CACNA1E: variants seen among roughly 807,000 people sequenced by gnomAD.
The protein encoded by CACNA1E is calcium voltage-gated channel subunit alpha1 E.
A neutral mutation model predicts 259.2 loss-of-function variants in CACNA1E; 40 were observed. The observed-to-expected ratio is 0.15, with a 90% CI of 0.12 to 0.20. The LOEUF (loss-of-function observed/expected upper bound fraction) is 0.20. CACNA1E is among the 10% of genes least tolerant of loss of function. CACNA1E has a pLI of 1.00. For synonymous variants in CACNA1E, 1,104 were observed against 1,138.5 expected (o/e 0.97, Z 0.61); for missense variants, 1,874 against 3,040.1 (o/e 0.62, Z 9.02).
In CACNA1E at chr1:181,767,645, G is replaced by A. The variant is rs576838967; in HGVS notation, c.4881+1034G>A. 7.2e-5 allele frequency among the ~76,000 whole-genome samples: 11 copies of A among 152,246 alleles called. No homozygotes were observed. In the East Asian group the frequency reaches 2.1e-3, roughly 29 times the overall value. ...TCTTCTCTCTTGCCTGTACTTCTTGGTTTCATTCTTTAACTCTATTACTGG... is the reference window on the plus strand; with the variant it reads ...TCTTCTCTCTTGCCTGTACTTCTTGATTTCATTCTTTAACTCTATTACTGG... On this transcript the variant is annotated intron_variant, in intron 35 of 47. Coordinates refer to ENST00000367573, the MANE Select transcript of CACNA1E (RefSeq NM_001205293.3).
Position 181,732,588 on chromosome 1 carries a change from G to T in CACNA1E, c.2502G>T (p.Glu834Asp). 3 of 1,514,976 alleles carry T rather than the reference G, an allele frequency of 2.0e-6. No individual in the cohort carries two copies. The highest frequency in any genetic ancestry group is 2.7e-6 in the Non-Finnish European group (3 of 1,130,802). The allele number at this position is 1,514,976 out of a possible 1,614,324, so 93.8% of individuals were successfully genotyped here. A position where few individuals can be genotyped will look rare whatever the true frequency, so the allele number is the denominator to read the frequency against. The change falls in exon 20 of 48, where the codon GAG (glutamate) becomes GAT (aspartate). Residue 834 changes from glutamate (E) to aspartate (D), a missense_variant. Physicochemically the swap from Glu to Asp is conservative, Grantham distance 45 (BLOSUM62 2). Transcript: ENST00000367573. The surrounding 1 kb of genome is among the most constrained non-coding windows in gnomAD (Gnocchi z 5.5). ...TTTATCGGCGACCCAGGGCCATTGA[G>T]GGCCTGGCCCTGGGCCTGGCCCTGG... ...PSLYRRPRAI[E>D]GLALGLALEK...
chr1:181,384,213 G>A (rs554525472), intron 1 of CACNA1E, among the ~76,000 whole-genome samples: 3 of 152,152 alleles, frequency 2.0e-5, no homozygotes, highest in South Asian at 4.1e-4. Context: ...AATCAGTATG[G>A]TGTTAAGACA....
At chr1:181,720,751 A>T in intron 14 of CACNA1E, 32 bp from the exon 15 acceptor site, 1 of 1,319,770 alleles carries the variant, frequency 7.6e-7, no homozygotes, top group Non-Finnish European at 1.1e-6. Context: ...TGAGATTTTC[A>T]TTTCATTATT....
chr1:181,718,367 T>C (rs1335309655), intron 12 of CACNA1E, among the ~76,000 whole-genome samples, 200 bp downstream of exon 12: 1 of 152,138 alleles, frequency 6.6e-6, no homozygotes, highest in Admixed American at 6.5e-5. Flanking sequence ...AGCTCTTTGA[T>C]TTTCAATATT....
intron 2 of CACNA1E, among the ~76,000 whole-genome samples, chr1:181,428,161 G>A (rs1342738666): frequency 6.6e-6 from 1 of 152,120 alleles, no homozygotes. Context: ...CTCTCCGGAG[G>A]ACTGGCACTT....
At chr1:181,598,185 G>A (rs1314681555) in intron 6 of CACNA1E, among the ~76,000 whole-genome samples, 2 of 152,198 alleles carry the variant, frequency 1.3e-5, no homozygotes, top group African/African-American at 2.4e-5. Context: ...TCAACTTAAC[G>A]GACATACCAA....
intron 3 of CACNA1E, among the ~76,000 whole-genome samples, chr1:181,554,243 G>T (rs772876436): frequency 4.6e-5 from 7 of 152,122 alleles, no homozygotes; most frequent in African/African-American, 7.2e-5. Context: ...GAACTCCTGA[G>T]CTCAAGTGAT....
intron 3 of CACNA1E, among the ~76,000 whole-genome samples, chr1:181,564,947 T>A (rs926105193): frequency 5.9e-5 from 9 of 152,126 alleles, no homozygotes; most frequent in African/African-American, 2.2e-4. Flanking sequence ...GAAACCATGC[T>A]GTAAAGAGAT....
Position 181,740,623 on chromosome 1 carries a change from T to A in CACNA1E, c.3719+1370T>A, listed in dbSNP as rs529205703. ...TCCCAGACCCTGGAACTGGACTGTG[T>A]CCACTGCTTCCTCAGCCATGAGAGA... is the stretch of plus-strand genomic sequence containing the variant. On this transcript the variant is annotated intron_variant, in intron 25 of 47. Transcript: ENST00000367573. Among the ~76,000 whole-genome samples, 5 of 152,314 alleles carry A rather than the reference T, an allele frequency of 3.3e-5. No homozygotes were observed. The East Asian group carries it at 9.7e-4, about 29-fold the overall frequency.
chr1:181,798,921 G>A lies in CACNA1E; in HGVS notation c.*87G>A. ...GGAAGCCAGTGCGGCCCGGGGGGGA[G>A]GAAGAGGGAAAAGGAAGATGGAAGG... On this transcript the variant is annotated 3_prime_UTR_variant, in exon 48 of 48. Coordinates refer to ENST00000367573, the MANE Select transcript of CACNA1E (RefSeq NM_001205293.3). The surrounding 1 kb of genome is among the most constrained non-coding windows in gnomAD (Gnocchi z 4.2). The A allele has an allele frequency of 2.4e-6, 3 of 1,235,618 alleles. No individual in the cohort carries two copies. Among genetic ancestry groups the A allele is most frequent in the Non-Finnish European group, 3.2e-6 (3 of 925,808 alleles). 76.5% of individuals were successfully genotyped at this position (1,235,618 alleles called of 1,614,324 possible).
intron 1 of CACNA1E, among the ~76,000 whole-genome samples, chr1:181,497,974 C>G (rs564195613): frequency 9.2e-5 from 14 of 152,314 alleles, no homozygotes; most frequent in African/African-American, 3.4e-4. Context: ...TGTCTTTCCC[C>G]CGCCAAAACT....
rs528224463 is a variant in CACNA1E, at chr1:181,502,805, T to C, written c.267-7672T>C. 2.2e-4 allele frequency among the ~76,000 whole-genome samples: 34 copies of C among 152,298 alleles called. No homozygotes were observed. The East Asian group carries it at 6.2e-3, about 28-fold the overall frequency. ...CCTCCATCTCCTGGGTTCAAGCTATTCTCCTGCCTCAGCCTCCTAAGTAGC... is the reference window on the plus strand; with the variant it reads ...CCTCCATCTCCTGGGTTCAAGCTATCCTCCTGCCTCAGCCTCCTAAGTAGC... On this transcript the variant is annotated intron_variant, in intron 1 of 47. Coordinates refer to ENST00000367573, the MANE Select transcript of CACNA1E (RefSeq NM_001205293.3).
chr1:181,586,189 G>A (rs913383675), intron 6 of CACNA1E, among the ~76,000 whole-genome samples: 4 of 152,170 alleles, frequency 2.6e-5, no homozygotes, highest in East Asian at 1.9e-4. Context: ...CAAGAAGAGT[G>A]GAGTTGCCAT....
At chr1:181,580,487 C>T (rs1651416787) in intron 5 of CACNA1E, 108 bp from the exon 6 acceptor site, 6 of 1,072,538 alleles carry the variant, frequency 5.6e-6, no homozygotes, top group Middle Eastern at 2.2e-4. Context: ...AAGGGCAGGC[C>T]TCTTTCCGTG....
intron 1 of CACNA1E, among the ~76,000 whole-genome samples, chr1:181,407,417 C>G (rs1223437710): frequency 6.6e-6 from 1 of 152,190 alleles, no homozygotes; most frequent in Non-Finnish European, 1.5e-5. Flanking sequence ...CACAACCTCT[C>G]AGGCTGACAC....
At chr1:181,394,103 G>T (rs1257780515) in intron 1 of CACNA1E, among the ~76,000 whole-genome samples, 2 of 152,014 alleles carry the variant, frequency 1.3e-5, no homozygotes, top group East Asian at 3.8e-4. Flanking sequence ...ACGGTTGGTT[G>T]CTGACTCAGT....
chr1:181,556,319 C>G (rs1648719507), intron 3 of CACNA1E, among the ~76,000 whole-genome samples: 1 of 152,218 alleles, frequency 6.6e-6, no homozygotes, highest in Non-Finnish European at 1.5e-5. Flanking sequence ...ACAGCAATTT[C>G]TCATACATTT....
intron 7 of CACNA1E, among the ~76,000 whole-genome samples, chr1:181,660,902 T>A (rs1647598985): frequency 1.3e-5 from 2 of 152,208 alleles, no homozygotes; most frequent in South Asian, 4.1e-4. Flanking sequence ...AAGTACTTGT[T>A]GTATGTGACT....
At chr1:181,744,826 C>A (rs1656907789) in intron 25 of CACNA1E, among the ~76,000 whole-genome samples, 1 of 152,216 alleles carries the variant, frequency 6.6e-6, no homozygotes, top group African/African-American at 2.4e-5. Context: ...TGCCCCTGTT[C>A]TGTGGAAGAG....
Sources: allele counts gnomAD v4.1 joint callset (sites outside exome capture counted in the v4.1 genomes callset), GRCh38; gene constraint gnomAD v4.1.1; non-coding constraint Gnocchi (gnomAD v3.1); transcripts MANE v1.5; gene names NCBI Gene and HGNC (gene_info 2026-07-23, HGNC 2026-07-21).